Variants in CADM2 observed in about 807,000 individuals in gnomAD.
The protein encoded by CADM2 is cell adhesion molecule 2, also known as immunoglobulin superfamily member 4D.
Under a neutral mutation model 49.8 loss-of-function variants are expected in CADM2, and 12 were observed. The observed-to-expected ratio is 0.24, with a 90% CI of 0.15 to 0.39. The LOEUF (loss-of-function observed/expected upper bound fraction) is 0.39. Among genes scored for constraint, CADM2 ranks in the 10% least tolerant of loss-of-function variants. The pLI, the probability that CADM2 is intolerant of heterozygous loss-of-function variation, is 1.00. For missense variants in CADM2, 378 were observed against 492.3 expected, an observed-to-expected ratio of 0.77 and a Z score of 2.20; for synonymous variants, 214 against 175.4, an observed-to-expected ratio of 1.22 and a Z score of -1.74.
chr3:85,368,572 A>G (rs1340722254), intron 1 of CADM2, among the ~76,000 whole-genome samples: 2 of 150,922 alleles, frequency 1.3e-5, no homozygotes, highest in Non-Finnish European at 3.0e-5. Flanking sequence ...CTGAATATAT[A>G]TATATACCTG....
intron 1 of CADM2, among the ~76,000 whole-genome samples, chr3:85,328,518 C>G (rs2044818006): frequency 6.6e-6 from 1 of 152,140 alleles, no homozygotes; most frequent in African/African-American, 2.4e-5. Context: ...TGGGCTATTT[C>G]CATGTTTCCA....
At chr3:85,262,274 T>G (rs2043028994) in intron 1 of CADM2, among the ~76,000 whole-genome samples, 1 of 152,092 alleles carries the variant, frequency 6.6e-6, no homozygotes, top group African/African-American at 2.4e-5. Context: ...TTATTCATAT[T>G]ACATATTATA....
At chr3:86,030,649 T>C (rs564170025) in intron 8 of CADM2, among the ~76,000 whole-genome samples, 1 of 152,028 alleles carries the variant, frequency 6.6e-6, no homozygotes, top group Admixed American at 6.6e-5. Flanking sequence ...AACTCAATTT[T>C]ATTACATTGT....
intron 8 of CADM2, among the ~76,000 whole-genome samples, chr3:86,002,142 A>G (rs1730260225): frequency 6.6e-6 from 1 of 152,108 alleles, no homozygotes; most frequent in Admixed American, 6.6e-5. Flanking sequence ...ATTAATCACT[A>G]ATTATAGGAA....
At chr3:85,333,282 C>A (rs1334490922) in intron 1 of CADM2, among the ~76,000 whole-genome samples, 1 of 151,550 alleles carries the variant, frequency 6.6e-6, no homozygotes, top group Non-Finnish European at 1.5e-5. Context: ...ACTAAAAAAT[C>A]TACATCTTGT....
chr3:84,967,936 A>T (rs2031130532), intron 1 of CADM2, among the ~76,000 whole-genome samples: 1 of 152,024 alleles, frequency 6.6e-6, no homozygotes, highest in African/African-American at 2.4e-5. Context: ...CCAGCCAAAC[A>T]CACAGAGAAA....
intron 1 of CADM2, among the ~76,000 whole-genome samples, chr3:85,687,315 A>G (rs536034089): frequency 6.6e-6 from 1 of 152,222 alleles, no homozygotes. Flanking sequence ...AATAAATAAC[A>G]TAATTACTTT....
intron 1 of CADM2, among the ~76,000 whole-genome samples, chr3:85,279,394 A>G (rs2043444818): frequency 3.3e-5 from 5 of 151,544 alleles, no homozygotes; most frequent in Admixed American, 3.3e-4. Context: ...AATCATCAAA[A>G]TACCATGATA....
intron 1 of CADM2, among the ~76,000 whole-genome samples, chr3:85,068,776 A>G (rs2036613469): frequency 6.8e-6 from 1 of 148,022 alleles, no homozygotes; most frequent in Non-Finnish European, 1.5e-5. Flanking sequence ...ATTTTTATTT[A>G]TTTAATTTTT....
At chr3:86,032,396 C>T (rs140561892) in intron 8 of CADM2, among the ~76,000 whole-genome samples, 2 of 151,744 alleles carry the variant, frequency 1.3e-5, no homozygotes, top group Non-Finnish European at 3.0e-5. Context: ...ATAAACTAGG[C>T]CTTTAAAGGA....
At chr3:85,143,607 A>G (rs1376345199) in intron 1 of CADM2, among the ~76,000 whole-genome samples, 1 of 152,184 alleles carries the variant, frequency 6.6e-6, no homozygotes, top group Non-Finnish European at 1.5e-5. Flanking sequence ...TGTGTGAATG[A>G]TAAGAACATA....
chr3:85,043,371 C>A (rs191847693), intron 1 of CADM2, among the ~76,000 whole-genome samples: 3 of 151,790 alleles, frequency 2.0e-5, no homozygotes, highest in African/African-American at 7.3e-5. Flanking sequence ...TGTATGGGCC[C>A]GTATATGACC....
At chr3:85,046,910 G>T (rs1456440196) in intron 1 of CADM2, among the ~76,000 whole-genome samples, 5 of 151,888 alleles carry the variant, frequency 3.3e-5, no homozygotes, top group South Asian at 4.2e-4. Flanking sequence ...ATACATATAG[G>T]TGAGAATTTT....
intron 1 of CADM2, among the ~76,000 whole-genome samples, chr3:85,328,105 C>T (rs1377691830): frequency 1.3e-5 from 2 of 152,142 alleles, no homozygotes; most frequent in African/African-American, 2.4e-5. Flanking sequence ...GAAAATATGA[C>T]TTAGTCCTAT....
intron 2 of CADM2, among the ~76,000 whole-genome samples, chr3:85,727,204 CT>C (rs2067737926): frequency 6.6e-6 from 1 of 152,006 alleles, no homozygotes; most frequent in African/African-American, 2.4e-5. Flanking sequence ...CAATTTCATT[CT>C]GTTTAGAGCA....
chr3:85,748,730 G>A (rs1434367076), intron 2 of CADM2, among the ~76,000 whole-genome samples: 1 of 151,986 alleles, frequency 6.6e-6, no homozygotes, highest in Non-Finnish European at 1.5e-5. Flanking sequence ...CCTCTCTCAG[G>A]TGTTTACCAC....
intron 1 of CADM2, among the ~76,000 whole-genome samples, chr3:85,242,171 A>G (rs898111486): frequency 2.6e-5 from 4 of 151,246 alleles, no homozygotes; most frequent in Admixed American, 2.0e-4. Context: ...AAACTTTTCT[A>G]CTTAGACTCT....
At chr3:85,456,658 T>G (rs2038004753) in intron 1 of CADM2, among the ~76,000 whole-genome samples, 1 of 152,072 alleles carries the variant, frequency 6.6e-6, no homozygotes, top group African/African-American at 2.4e-5. Flanking sequence ...TAAATAAATT[T>G]TACTTTGGTT....
intron 1 of CADM2, among the ~76,000 whole-genome samples, chr3:85,319,341 G>A (rs569130932): frequency 1.3e-5 from 2 of 152,146 alleles, no homozygotes; most frequent in South Asian, 2.1e-4. Context: ...ATAGACTGTT[G>A]GTAGGAGTAT....
Sources: allele counts gnomAD v4.1 joint callset (sites outside exome capture counted in the v4.1 genomes callset), GRCh38; gene constraint gnomAD v4.1.1; transcripts MANE v1.5; gene names NCBI Gene and HGNC (gene_info 2026-07-23, HGNC 2026-07-21).